Variants in FSTL4 observed in about 807,000 individuals in gnomAD.
FSTL4 encodes the protein follistatin like 4.
FSTL4 carries 28 observed loss-of-function variants against 78.2 expected under a neutral mutation model. The ratio of observed to expected loss-of-function variants is 0.36; its 90% CI spans 0.27 to 0.49. The LOEUF is 0.49. Ranked by LOEUF, FSTL4 falls within the 20% of genes least tolerant of loss-of-function variation. FSTL4 has a pLI of 0.98. For synonymous variants in FSTL4, 422 were observed against 440.5 expected (o/e 0.96, Z 0.53); for missense variants, 922 against 1,084.9 (o/e 0.85, Z 2.11).
upstream of FSTL4, among the ~76,000 whole-genome samples, chr5:133,616,310 A>AATCTACCTATCT (rs1554073700): frequency 6.8e-6 from 1 of 147,162 alleles, no homozygotes; most frequent in Admixed American, 6.8e-5. Context: ...TGAAAATCTA[A>AATCTACCTATCT]ATCTATCTAT....
At chr5:133,284,376 G>A (rs934350457) in intron 6 of FSTL4, among the ~76,000 whole-genome samples, 3 of 152,224 alleles carry the variant, frequency 2.0e-5, no homozygotes, top group Non-Finnish European at 4.4e-5. Flanking sequence ...TCCTTCAATT[G>A]TTGGAGTGTG....
At chr5:133,627,960 T>A in the FSTL4 span, among the ~76,000 whole-genome samples, 2 of 152,012 alleles carry the variant, frequency 1.3e-5, no homozygotes, top group Non-Finnish European at 2.9e-5. Context: ...GCTTTAAGAA[T>A]TACATTATAT....
chr5:133,714,824 T>C, the FSTL4 span, among the ~76,000 whole-genome samples: 1 of 152,346 alleles, frequency 6.6e-6, no homozygotes, highest in East Asian at 1.9e-4. Context: ...CAACAATGGA[T>C]ATTCCTTGAA....
At chr5:133,781,519 A>G in the FSTL4 span, among the ~76,000 whole-genome samples, 2 of 152,032 alleles carry the variant, frequency 1.3e-5, no homozygotes, top group South Asian at 2.1e-4. Context: ...ACTTCCCACC[A>G]TTACCATTCA....
intron 2 of FSTL4, among the ~76,000 whole-genome samples, chr5:133,601,710 T>C (rs1760874651): frequency 6.8e-6 from 1 of 146,112 alleles, no homozygotes; most frequent in South Asian, 2.3e-4. Flanking sequence ...TCAGACATGG[T>C]CTCACTCTGT....
chr5:133,817,025 C>G, the FSTL4 span, among the ~76,000 whole-genome samples: 3 of 152,268 alleles, frequency 2.0e-5, no homozygotes, highest in Non-Finnish European at 4.4e-5. Context: ...CCCACTGCCT[C>G]ACTTGCCCTT....
At chr5:133,337,390 A>C (rs966889520) in intron 4 of FSTL4, among the ~76,000 whole-genome samples, 3 of 152,160 alleles carry the variant, frequency 2.0e-5, no homozygotes, top group East Asian at 1.9e-4. Context: ...GATGAGGTAG[A>C]ACTCACGGGG....
chr5:133,709,024 A>C, the FSTL4 span, among the ~76,000 whole-genome samples: 1 of 152,184 alleles, frequency 6.6e-6, no homozygotes, highest in Non-Finnish European at 1.5e-5. Context: ...TATAATAACA[A>C]TCCATAACAA....
chr5:133,789,345 G>A, the FSTL4 span, among the ~76,000 whole-genome samples: 1 of 152,160 alleles, frequency 6.6e-6, no homozygotes, highest in South Asian at 2.1e-4. Flanking sequence ...CTTAATATCA[G>A]GCATTAGCAA....
intron 6 of FSTL4, among the ~76,000 whole-genome samples, chr5:133,282,268 T>G (rs1753027128): frequency 6.6e-6 from 1 of 152,084 alleles, no homozygotes. Flanking sequence ...TGGGCACACA[T>G]GAACACGGCC....
chr5:133,721,165 C>A, the FSTL4 span, among the ~76,000 whole-genome samples: 2 of 152,322 alleles, frequency 1.3e-5, no homozygotes, highest in Admixed American at 1.3e-4. Flanking sequence ...TTTTGCCCAT[C>A]TTTTTTACCC....
chr5:133,214,559 G>A (rs1029218330), intron 13 of FSTL4, among the ~76,000 whole-genome samples: 2 of 152,154 alleles, frequency 1.3e-5, no homozygotes, highest in African/African-American at 4.8e-5. Context: ...TGCCTGGCCA[G>A]TTCAGTCTCA....
chr5:133,687,174 G>A, the FSTL4 span, among the ~76,000 whole-genome samples: 4 of 151,910 alleles, frequency 2.6e-5, no homozygotes, highest in Non-Finnish European at 4.4e-5. Context: ...GTGTGGACTC[G>A]ATCCTGTGGT....
chr5:133,810,594 G>A, the FSTL4 span, among the ~76,000 whole-genome samples: 10 of 152,270 alleles, frequency 6.6e-5, no homozygotes, highest in East Asian at 3.9e-4. Flanking sequence ...AGAAAGGGGC[G>A]CCCAAGTGGG....
At chr5:133,629,141 G>T in the FSTL4 span, among the ~76,000 whole-genome samples, 19 of 150,954 alleles carry the variant, frequency 1.3e-4, no homozygotes, top group Admixed American at 1.3e-3. Context: ...TTTGAAATAC[G>T]TTGCATCAAT....
At chr5:133,759,481 GC>G in the FSTL4 span, among the ~76,000 whole-genome samples, 1 of 152,178 alleles carries the variant, frequency 6.6e-6, no homozygotes, top group Non-Finnish European at 1.5e-5. Flanking sequence ...AGAAATGTGA[GC>G]AAATATTTAC....
chr5:133,699,419 C>T, the FSTL4 span, among the ~76,000 whole-genome samples: 1 of 152,138 alleles, frequency 6.6e-6, no homozygotes, highest in East Asian at 1.9e-4. Context: ...TGAGTACTTA[C>T]TACACACCGA....
chr5:133,691,688 T>A, the FSTL4 span, among the ~76,000 whole-genome samples: 1 of 151,984 alleles, frequency 6.6e-6, no homozygotes, highest in Non-Finnish European at 1.5e-5. Flanking sequence ...GAGGGAGGGT[T>A]ACCTGGCCTC....
At chr5:133,692,934 A>T in the FSTL4 span, among the ~76,000 whole-genome samples, 1 of 152,230 alleles carries the variant, frequency 6.6e-6, no homozygotes, top group East Asian at 1.9e-4. Flanking sequence ...CACTGCTCAC[A>T]TCACAGCTGC....
Sources: allele counts gnomAD v4.1 joint callset (sites outside exome capture counted in the v4.1 genomes callset), GRCh38; gene constraint gnomAD v4.1.1; transcripts MANE v1.5; gene names NCBI Gene and HGNC (gene_info 2026-07-23, HGNC 2026-07-21).